SLC22A15: variants seen among roughly 807,000 people sequenced by gnomAD.
SLC22A15 encodes solute carrier family 22 member 15.
In SLC22A15, 45 loss-of-function variants were observed where a neutral mutation model predicts 62.7. That is an observed-to-expected ratio of 0.72 (90% CI 0.56 to 0.92). The LOEUF (loss-of-function observed/expected upper bound fraction) is 0.92. Among genes scored for constraint, SLC22A15 ranks in the 40% least tolerant of loss-of-function variants. SLC22A15 has a pLI of 0.00. For synonymous variants in SLC22A15, 264 were observed against 267.0 expected, an observed-to-expected ratio of 0.99 and a Z score of 0.11; for missense variants, 622 against 665.6, an observed-to-expected ratio of 0.93 and a Z score of 0.72.
chr1:115,989,141 G>T (rs1180878630), intron 1 of SLC22A15, among the ~76,000 whole-genome samples: 2 of 152,026 alleles, frequency 1.3e-5, no homozygotes, highest in Non-Finnish European at 2.9e-5. Flanking sequence ...TTGTGTGGGT[G>T]TGTGTGCATG....
At chr1:116,031,890 C>CAAAAAAAAAA in intron 6 of SLC22A15, 1 of 1,132,650 alleles carries the variant, frequency 8.8e-7, no homozygotes, top group Non-Finnish European at 1.1e-6. Context: ...CCTTCCCCTG[C>CAAAAAAAAAA]AAAAAAGGAA....
chr1:116,037,869 C>A (rs1657675025), intron 8 of SLC22A15, among the ~76,000 whole-genome samples: 1 of 152,168 alleles, frequency 6.6e-6, no homozygotes, highest in Admixed American at 6.5e-5. Flanking sequence ...CTGTTGGTGA[C>A]AATGGATAGT....
At chr1:115,978,269 G>A (rs1420669676) in intron 1 of SLC22A15, among the ~76,000 whole-genome samples, 2 of 152,062 alleles carry the variant, frequency 1.3e-5, no homozygotes, top group Admixed American at 6.5e-5. Context: ...CCACTAACTT[G>A]GAGTAAGTTT....
At chr1:116,015,308 T>TATTC (rs1429086132) in intron 2 of SLC22A15, 1 of 152,202 alleles carries the variant, frequency 6.6e-6, no homozygotes, top group Non-Finnish European at 1.5e-5. Flanking sequence ...TTCCTGCATG[T>TATTC]ATTCCAAGAG....
At position 116,034,064 on chromosome 1, in the gene SLC22A15, GC is replaced by G. The variant is rs889896138; in HGVS notation, c.945-1121del. 3.9e-5 allele frequency among the ~76,000 whole-genome samples: 6 copies of G among 152,110 alleles called. 1 individual carries two copies. Among genetic ancestry groups the G allele is most frequent in the Non-Finnish European group, 8.8e-5 (6 of 68,030 alleles). ...CCCTTTCCTGACTGATCTCATTATA[GC>G]CACAGCTCATTAGAGTTTCTCTAAG... is the stretch of plus-strand genomic sequence containing the variant. On this transcript the variant is annotated intron_variant, in intron 6 of 11. Transcript: ENST00000369503.
intron 2 of SLC22A15, among the ~76,000 whole-genome samples, chr1:115,996,522 TG>T (rs1443167057): frequency 6.6e-6 from 1 of 152,086 alleles, no homozygotes; most frequent in Admixed American, 6.5e-5. Context: ...ACCCTGAACA[TG>T]TTTTTAGATT....
intron 2 of SLC22A15, among the ~76,000 whole-genome samples, chr1:116,015,565 A>G (rs1222824962): frequency 6.6e-6 from 1 of 152,174 alleles, no homozygotes. Flanking sequence ...TTGATTATGG[A>G]GTTTTCAAAT....
At chr1:116,052,752 A>T (rs1196389170) in intron 8 of SLC22A15, among the ~76,000 whole-genome samples, 1 of 152,148 alleles carries the variant, frequency 6.6e-6, no homozygotes, top group Non-Finnish European at 1.5e-5. Context: ...GGTTCACGAA[A>T]ATCTACTGTT....
chr1:115,976,803 G>A (rs1654317854), intron 1 of SLC22A15, 89 bp downstream of exon 1: 1 of 1,054,302 alleles, frequency 9.5e-7, no homozygotes, highest in Non-Finnish European at 1.4e-6. Flanking sequence ...GCCGGGGCCG[G>A]GGCCGAGGCC....
At chr1:115,989,856 T>A (rs1472835766) in intron 1 of SLC22A15, among the ~76,000 whole-genome samples, 1 of 152,206 alleles carries the variant, frequency 6.6e-6, no homozygotes, top group Non-Finnish European at 1.5e-5. Context: ...GTTAGCATTA[T>A]AAAGGCATGT....
intron 5 of SLC22A15, among the ~76,000 whole-genome samples, chr1:116,028,930 T>C (rs1657240760): frequency 6.6e-6 from 1 of 152,116 alleles, no homozygotes; most frequent in Non-Finnish European, 1.5e-5. Context: ...CAGCTACAAG[T>C]CATTGTCTTT....
chr1:116,040,398 A>G (rs1287793207), intron 8 of SLC22A15, among the ~76,000 whole-genome samples: 1 of 152,218 alleles, frequency 6.6e-6, no homozygotes, highest in East Asian at 1.9e-4. Context: ...AACACTTGCT[A>G]CCATTTATTA....
intron 4 of SLC22A15, among the ~76,000 whole-genome samples, chr1:116,025,975 T>C (rs1033339733): frequency 1.3e-5 from 2 of 152,208 alleles, no homozygotes; most frequent in African/African-American, 4.8e-5. Flanking sequence ...TTTTCCATCA[T>C]TGTGCTGACA....
intron 5 of SLC22A15, among the ~76,000 whole-genome samples, chr1:116,029,958 G>A (rs758201442): frequency 1.1e-4 from 17 of 152,120 alleles, no homozygotes; most frequent in South Asian, 2.1e-4. Flanking sequence ...GTGGTTTTAC[G>A]TAATAGCTCC....
chr1:115,993,428 A>AGAGAGTGTGT (rs1406043731), intron 2 of SLC22A15, among the ~76,000 whole-genome samples: 9 of 143,460 alleles, frequency 6.3e-5, no homozygotes, highest in Non-Finnish European at 1.1e-4. Context: ...AGTGTGTGAG[A>AGAGAGTGTGT]GTGTGTGTGT....
chr1:115,999,591 C>T (rs746318887), intron 2 of SLC22A15, among the ~76,000 whole-genome samples: 1 of 151,602 alleles, frequency 6.6e-6, no homozygotes, highest in Non-Finnish European at 1.5e-5. Flanking sequence ...GCAACCTCCA[C>T]CTCCTGGGTT....
intron 4 of SLC22A15, among the ~76,000 whole-genome samples, chr1:116,022,366 C>G (rs1238361989): frequency 1.3e-5 from 2 of 151,268 alleles, no homozygotes; most frequent in Admixed American, 6.6e-5. Context: ...GGTGATCATG[C>G]CTGCTCCCTG....
chr1:116,026,677 T>C (rs1657108570), intron 4 of SLC22A15, among the ~76,000 whole-genome samples: 1 of 152,216 alleles, frequency 6.6e-6, no homozygotes. Flanking sequence ...TTGTCTATCT[T>C]CCCTTTATTT....
intron 2 of SLC22A15, among the ~76,000 whole-genome samples, chr1:116,006,610 G>C (rs1655996864): frequency 1.3e-5 from 2 of 151,910 alleles, no homozygotes; most frequent in South Asian, 4.2e-4. Context: ...AAGAATCGCT[G>C]TCTCCCTTGC....
Sources: allele counts gnomAD v4.1 joint callset (sites outside exome capture counted in the v4.1 genomes callset), GRCh38; gene constraint gnomAD v4.1.1; transcripts MANE v1.5; gene names NCBI Gene and HGNC (gene_info 2026-07-23, HGNC 2026-07-21).